SGCD: variants seen among roughly 807,000 people sequenced by gnomAD.
SGCD encodes delta-sarcoglycan.
Under a neutral mutation model 36.6 loss-of-function variants are expected in SGCD, and 18 were observed. The ratio of observed to expected loss-of-function variants is 0.49; its 90% CI spans 0.34 to 0.73. SGCD has a LOEUF of 0.73. Among genes scored for constraint, SGCD ranks in the 30% least tolerant of loss-of-function variants. The pLI is 0.01. For synonymous variants in SGCD, 133 were observed against 130.6 expected, an observed-to-expected ratio of 1.02 and a Z score of -0.12; for missense variants, 387 against 346.7, an observed-to-expected ratio of 1.12 and a Z score of -0.92.
chr5:156,050,093 G>A (rs1759876900), intron 1 of SGCD, among the ~76,000 whole-genome samples: 1 of 146,900 alleles, frequency 6.8e-6, no homozygotes, highest in African/African-American at 2.5e-5. Context: ...GGATTTGAGA[G>A]GATTGACTCC....
intron 3 of SGCD, among the ~76,000 whole-genome samples, chr5:156,269,534 T>C (rs1766113678): frequency 7.2e-6 from 1 of 138,770 alleles, no homozygotes; most frequent in South Asian, 2.5e-4. Context: ...TGAAACTTAT[T>C]CACTATCATG....
chr5:156,700,524 G>A (rs976354067), intron 7 of SGCD, among the ~76,000 whole-genome samples: 3 of 152,112 alleles, frequency 2.0e-5, no homozygotes, highest in African/African-American at 7.2e-5. Context: ...CTCCTGCAAT[G>A]AATCTCATTC....
chr5:155,937,292 A>G (rs1473801629), intron 1 of SGCD, among the ~76,000 whole-genome samples: 1 of 152,190 alleles, frequency 6.6e-6, no homozygotes, highest in Non-Finnish European at 1.5e-5. Flanking sequence ...GCATCTTGGC[A>G]GCAGCTGCTC....
At chr5:155,732,992 C>G in the SGCD span, among the ~76,000 whole-genome samples, 1 of 148,070 alleles carries the variant, frequency 6.8e-6, no homozygotes, top group African/African-American at 2.5e-5. Context: ...GTATAGCAAT[C>G]ACAGTGATGT....
chr5:155,747,663 A>C, the SGCD span, among the ~76,000 whole-genome samples: 1 of 152,194 alleles, frequency 6.6e-6, no homozygotes, highest in African/African-American at 2.4e-5. Flanking sequence ...GTCTTCTTTC[A>C]ACATAAGGTA....
intron 7 of SGCD, among the ~76,000 whole-genome samples, chr5:156,668,009 A>T (rs1478893579): frequency 2.6e-5 from 4 of 152,248 alleles, no homozygotes; most frequent in Non-Finnish European, 5.9e-5. Context: ...ACCTTAGAAT[A>T]ACACACAGTT....
chr5:156,598,738 A>C (rs1420665388), intron 6 of SGCD, among the ~76,000 whole-genome samples: 2 of 152,200 alleles, frequency 1.3e-5, no homozygotes, highest in Non-Finnish European at 2.9e-5. Flanking sequence ...ATAATTTTAA[A>C]CGTCCAGACA....
chr5:156,201,482 T>TGA (rs1256980734), intron 3 of SGCD, among the ~76,000 whole-genome samples: 1 of 152,172 alleles, frequency 6.6e-6, no homozygotes, highest in Non-Finnish European at 1.5e-5. Context: ...CAAGATGTCT[T>TGA]ACGTTGACAT....
the SGCD span, among the ~76,000 whole-genome samples, chr5:155,837,272 C>T: frequency 5.9e-5 from 9 of 152,076 alleles, no homozygotes; most frequent in Non-Finnish European, 1.2e-4. Context: ...ATTCTGTTGC[C>T]TCAGCCTCCT....
At position 156,650,756 on chromosome 5, in the gene SGCD, A is replaced by G. The variant is rs150692088; in HGVS notation, c.575+3220A>G. 2.0e-5 allele frequency among the ~76,000 whole-genome samples: 3 copies of G among 151,962 alleles called. No individual in the cohort carries two copies. In the East Asian group the frequency reaches 5.8e-4, roughly 29 times the overall value. ...CCATCATTGACAGATACCTAGGTTGATTTTTGTGTCTTAGTGTTGTATATT... is the reference window on the plus strand; with the variant it reads ...CCATCATTGACAGATACCTAGGTTGGTTTTTGTGTCTTAGTGTTGTATATT... On this transcript the variant is annotated intron_variant, in intron 7 of 8. Coordinates refer to ENST00000337851, the MANE Select transcript of SGCD (RefSeq NM_000337.6).
At chr5:155,744,680 A>T in the SGCD span, among the ~76,000 whole-genome samples, 2 of 152,184 alleles carry the variant, frequency 1.3e-5, no homozygotes, top group African/African-American at 4.8e-5. Flanking sequence ...GATAAACAGG[A>T]AGACATTACC....
chr5:155,778,257 A>G, the SGCD span, among the ~76,000 whole-genome samples: 1,360 of 152,294 alleles, frequency 8.9e-3, 7 homozygotes, highest in Non-Finnish European at 0.014. Flanking sequence ...AGTTCAGCTG[A>G]GTGGAGTTTT....
intron 7 of SGCD, among the ~76,000 whole-genome samples, chr5:156,667,983 TAACA>T (rs1428561413): frequency 6.6e-6 from 1 of 152,248 alleles, no homozygotes; most frequent in African/African-American, 2.4e-5. Context: ...ATATTTCAAC[TAACA>T]GAGTTCACGT....
At chr5:155,808,090 G>A in the SGCD span, among the ~76,000 whole-genome samples, 1 of 152,170 alleles carries the variant, frequency 6.6e-6, no homozygotes, top group Admixed American at 6.5e-5. Context: ...TAGGAGTTCT[G>A]AGGGTTCTGC....
intron 7 of SGCD, among the ~76,000 whole-genome samples, chr5:156,701,968 T>C (rs1201417309): frequency 1.3e-5 from 2 of 152,084 alleles, no homozygotes; most frequent in African/African-American, 4.8e-5. Flanking sequence ...ACTCAGAAAA[T>C]CCATAGAACC....
At chr5:156,120,110 A>G (rs3097808) in intron 2 of SGCD, among the ~76,000 whole-genome samples, 45,651 of 152,074 alleles carry the variant, frequency 0.3, 7,494 homozygotes, top group Non-Finnish European at 0.37. Context: ...AGGATTTCGA[A>G]AAAGCTAATT....
chr5:156,395,489 G>A (rs1301744812), intron 3 of SGCD, among the ~76,000 whole-genome samples: 1 of 152,188 alleles, frequency 6.6e-6, no homozygotes, highest in East Asian at 1.9e-4. Flanking sequence ...ACTTTTAGCT[G>A]GCTGGCTCCA....
rs531764129 is a variant in SGCD, at chr5:156,404,144, T to C, written c.192+59467T>C. Reference sequence around the variant, plus strand: ...ACCACTGTGCCTGGCCTTCCTCACCTCTCTTTCACCCAGAATACTCAGAAT... The same window carrying C: ...ACCACTGTGCCTGGCCTTCCTCACCCCTCTTTCACCCAGAATACTCAGAAT... On this transcript the variant is annotated intron_variant, in intron 3 of 8. Coordinates refer to ENST00000337851, the MANE Select transcript of SGCD (RefSeq NM_000337.6). Among the ~76,000 whole-genome samples, 7 of 152,266 alleles carry C rather than the reference T, an allele frequency of 4.6e-5. No homozygotes were observed. In the South Asian group the frequency reaches 1.5e-3, roughly 32 times the overall value.
At position 156,365,920 on chromosome 5, in the gene SGCD, A is replaced by G. The variant is rs551199045; in HGVS notation, c.192+21243A>G. Reference sequence around the variant, plus strand: ...TACATATGTGTATACACATATATACATGTAAATGTGTATGTATGTATGCAT... The same window carrying G: ...TACATATGTGTATACACATATATACGTGTAAATGTGTATGTATGTATGCAT... On this transcript the variant is annotated intron_variant, in intron 3 of 8. Transcript: ENST00000337851. 9.3e-5 allele frequency among the ~76,000 whole-genome samples: 14 copies of G among 150,706 alleles called. No individual in the cohort carries two copies. The East Asian group carries it at 2.8e-3, about 30-fold the overall frequency.
Sources: allele counts gnomAD v4.1 joint callset (sites outside exome capture counted in the v4.1 genomes callset), GRCh38; gene constraint gnomAD v4.1.1; transcripts MANE v1.5; gene names NCBI Gene and HGNC (gene_info 2026-07-23, HGNC 2026-07-21).